CNTN3: variants seen among roughly 807,000 people sequenced by gnomAD.
The protein encoded by CNTN3 is contactin-3.
A neutral mutation model predicts 119.1 loss-of-function variants in CNTN3; 60 were observed. The ratio of observed to expected loss-of-function variants is 0.50; its 90% CI spans 0.41 to 0.62. The LOEUF is 0.62. Among genes scored for constraint, CNTN3 ranks in the 20% least tolerant of loss-of-function variants. The probability of loss-of-function intolerance (pLI) is 0.00; values close to 1 mark genes in which losing one functional copy is unlikely to be tolerated. For missense variants in CNTN3, 1,101 were observed against 1,242.4 expected (o/e 0.89, Z 1.71); for synonymous variants, 450 against 438.7 (o/e 1.03, Z -0.32).
rs150285020 is a variant in CNTN3, at chr3:74,529,768, G to C, written c.-80-8576C>G. On this transcript the variant is annotated intron_variant, in intron 1 of 22. Coordinates refer to ENST00000263665, the MANE Select transcript of CNTN3 (RefSeq NM_020872.3). ...TTGAATAGAAAAAGGTAAATGAAATGAAAAGTCCTAAAGAGAACTTTTTGG... is the reference window on the plus strand; with the variant it reads ...TTGAATAGAAAAAGGTAAATGAAATCAAAAGTCCTAAAGAGAACTTTTTGG... Among the ~76,000 whole-genome samples, 187 of 152,052 alleles carry C rather than the reference G, an allele frequency of 1.2e-3. 1 individual carries two copies. In the Middle Eastern group the frequency reaches 0.027, roughly 22 times the overall value.
intron 4 of CNTN3, among the ~76,000 whole-genome samples, chr3:74,455,066 T>C: frequency 6.6e-6 from 1 of 152,144 alleles, no homozygotes; most frequent in East Asian, 1.9e-4. Context: ...CTTGCTAGAT[T>C]GGGGAAGTTC....
At chr3:74,576,910 A>G (rs1704426609) in intron 1 of CNTN3, among the ~76,000 whole-genome samples, 2 of 152,166 alleles carry the variant, frequency 1.3e-5, no homozygotes. Context: ...TTATTTTACT[A>G]CTTCTCAGGT....
chr3:74,556,094 GTCT>G (rs1553681333), intron 1 of CNTN3, among the ~76,000 whole-genome samples: 1 of 152,070 alleles, frequency 6.6e-6, no homozygotes, highest in Non-Finnish European at 1.5e-5. Flanking sequence ...CTTGTAGCTT[GTCT>G]TCTTATTATG....
chr3:74,502,123 T>C (rs1397295082), intron 2 of CNTN3, among the ~76,000 whole-genome samples: 1 of 152,138 alleles, frequency 6.6e-6, no homozygotes, highest in Non-Finnish European at 1.5e-5. Flanking sequence ...ATTTATGAGA[T>C]GGGATAGCAT....
chr3:74,545,496 C>A (rs536708687), intron 1 of CNTN3, among the ~76,000 whole-genome samples: 4 of 152,236 alleles, frequency 2.6e-5, no homozygotes, highest in African/African-American at 9.6e-5. Flanking sequence ...TGTTGTAAAA[C>A]CCCATCTGTC....
At chr3:74,331,729 C>T (rs1703269121) in intron 13 of CNTN3, among the ~76,000 whole-genome samples, 1 of 152,092 alleles carries the variant, frequency 6.6e-6, no homozygotes, top group Non-Finnish European at 1.5e-5. Flanking sequence ...TTTGATTCGC[C>T]CCATGATCAT....
intron 1 of CNTN3, among the ~76,000 whole-genome samples, chr3:74,546,872 A>G (rs2107154628): frequency 6.6e-6 from 1 of 152,322 alleles, no homozygotes; most frequent in Admixed American, 6.5e-5. Context: ...TGGCTAATAC[A>G]CAGTCAAATA....
rs529277623 is a variant in CNTN3 at position 74,320,154 on chromosome 3, C to A, written c.1668+14581G>T. Among the ~76,000 whole-genome samples, 31 of 152,148 alleles carry A rather than the reference C, an allele frequency of 2.0e-4. 1 individual carries two copies. Among genetic ancestry groups the A allele is most frequent in the South Asian group, 8.3e-4 (4 of 4,828 alleles). ...AACTAGAAATACCATTTGACCCAGCCATCCCATTACTGGGTATATACCCAA... is the reference window on the plus strand; with the variant it reads ...AACTAGAAATACCATTTGACCCAGCAATCCCATTACTGGGTATATACCCAA... On this transcript the variant is annotated intron_variant, in intron 13 of 22. Transcript: ENST00000263665.
At chr3:74,578,914 T>C (rs1704458725) in intron 1 of CNTN3, among the ~76,000 whole-genome samples, 1 of 151,972 alleles carries the variant, frequency 6.6e-6, no homozygotes, top group Admixed American at 6.6e-5. Flanking sequence ...CACTCAAACA[T>C]ATCAATAACT....
At chr3:74,322,752 T>C (rs2106677215) in intron 13 of CNTN3, among the ~76,000 whole-genome samples, 1 of 152,318 alleles carries the variant, frequency 6.6e-6, no homozygotes, top group East Asian at 1.9e-4. Flanking sequence ...ATATATCCTT[T>C]AGTAGATGAG....
chr3:74,296,094 T>G (rs1702333019), intron 18 of CNTN3, among the ~76,000 whole-genome samples: 1 of 152,192 alleles, frequency 6.6e-6, no homozygotes, highest in Non-Finnish European at 1.5e-5. Flanking sequence ...ATTGAAGATC[T>G]TTGTGAGGTT....
chr3:74,540,586 A>G (rs913352368), intron 1 of CNTN3, among the ~76,000 whole-genome samples: 4 of 152,156 alleles, frequency 2.6e-5, no homozygotes, highest in African/African-American at 7.2e-5. Flanking sequence ...GGTAAGTACT[A>G]CTGGTATACC....
intron 1 of CNTN3, among the ~76,000 whole-genome samples, chr3:74,582,646 CT>C (rs1704531204): frequency 6.6e-6 from 1 of 152,152 alleles, no homozygotes; most frequent in Admixed American, 6.5e-5. Flanking sequence ...ATACTTTCTT[CT>C]TTAATAGGAT....
rs1299127961 is a variant in CNTN3 at position 74,288,154 on chromosome 3, C to CTTT, written c.2518-2666_2518-2664dup. Among the ~76,000 whole-genome samples the CTTT allele has an allele frequency of 3.4e-4, 30 of 88,284 alleles. 1 individual carries two copies. The highest frequency in any genetic ancestry group is 1.5e-3 in the East Asian group (2 of 1,378). 57.9% of individuals were successfully genotyped at this position (88,284 alleles called of 152,430 possible). A position where few individuals can be genotyped will look rare whatever the true frequency, so the allele number is the denominator to read the frequency against. ...TTTGACATCTTTTTTCTTTTCTTTT[C>CTTT]TTTTCTTTTTTTTTTTTTTTTTGAG... On this transcript the variant is annotated intron_variant, in intron 19 of 22. Coordinates refer to ENST00000263665, the MANE Select transcript of CNTN3 (RefSeq NM_020872.3).
chr3:74,434,171 T>C (rs1431801101), intron 4 of CNTN3, among the ~76,000 whole-genome samples: 1 of 152,234 alleles, frequency 6.6e-6, no homozygotes, highest in Admixed American at 6.5e-5. Flanking sequence ...TGCAGATCTA[T>C]AGGTGTGTCA....
chr3:74,293,643 T>C (rs61217825), intron 19 of CNTN3, among the ~76,000 whole-genome samples: 5,732 of 152,128 alleles, frequency 0.038, 358 homozygotes, highest in African/African-American at 0.13. Context: ...CCTGGCTAAT[T>C]TTTGTATATT....
chr3:74,416,660 A>G lies in CNTN3; in HGVS notation c.454+8185T>C, dbSNP rs139959892. Among the ~76,000 whole-genome samples the G allele has an allele frequency of 4.4e-3, 672 of 152,230 alleles. 2 individuals are homozygous for G. The highest frequency in any genetic ancestry group is 0.015 in the African/African-American group (612 of 41,554). On this transcript the variant is annotated intron_variant, in intron 5 of 22. Transcript: ENST00000263665. ...TAAGTAAAAAAAAATTGAAGCCTAT[A>G]ATGTTTGTGAGCACAGGAAAATTTT...
At chr3:74,339,867 C>T (rs553441296) in intron 11 of CNTN3, among the ~76,000 whole-genome samples, 1 of 151,270 alleles carries the variant, frequency 6.6e-6, no homozygotes, top group Non-Finnish European at 1.5e-5. Context: ...AACACACACA[C>T]ATATATGTGT....
chr3:74,469,410 C>T (rs554631223), intron 4 of CNTN3, among the ~76,000 whole-genome samples: 1 of 152,296 alleles, frequency 6.6e-6, no homozygotes, highest in African/African-American at 2.4e-5. Context: ...GACTCAAAAA[C>T]TCATCAGACC....
Sources: gnomAD v4.1 joint callset for allele counts (sites outside exome capture counted in the v4.1 genomes callset) on GRCh38, gnomAD v4.1.1 for gene constraint, MANE v1.5 for transcripts, NCBI Gene and HGNC (gene_info 2026-07-23, HGNC 2026-07-21) for gene names.